The following LRP5 variants were observed in gnomAD, a reference collection of about 807,000 sequenced individuals.
LRP5 encodes low-density lipoprotein receptor-related protein 5.
Under a neutral mutation model 154.1 loss-of-function variants are expected in LRP5, and 62 were observed. That is an observed-to-expected ratio of 0.40 (90% CI 0.33 to 0.50). The LOEUF (loss-of-function observed/expected upper bound fraction) is 0.50, where lower values mean the gene tolerates loss of function less well. Among genes scored for constraint, LRP5 ranks in the 20% least tolerant of loss-of-function variants. The pLI, the probability that LRP5 is intolerant of heterozygous loss-of-function variation, is 0.55. For synonymous variants in LRP5, 966 were observed against 1,011.5 expected, an observed-to-expected ratio of 0.96 and a Z score of 0.85; for missense variants, 1,915 against 2,336.7, an observed-to-expected ratio of 0.82 and a Z score of 3.72.
chr11:68,406,824 C>T lies in LRP5; in HGVS notation c.2091+11C>T, dbSNP rs1473113638. The stretch of plus-strand genomic sequence containing the variant: ...GACGTCAGCCTGAAGGTAGCGTGGG[C>T]CAGAACGTGCACACAGGCAGCCTTT... On this transcript the variant is annotated intron_variant, in intron 9 of 22. Transcript: ENST00000294304. 1 of 1,613,078 alleles carries T rather than the reference C, an allele frequency of 6.2e-7. No homozygotes were observed. Among genetic ancestry groups the T allele is most frequent in the East Asian group, 2.2e-5 (1 of 44,884 alleles).
At chr11:68,337,486 C>T (rs1439707065) in intron 1 of LRP5, among the ~76,000 whole-genome samples, 1 of 152,178 alleles carries the variant, frequency 6.6e-6, no homozygotes, top group Non-Finnish European at 1.5e-5. Flanking sequence ...TGGGCATGCT[C>T]AACATTCACC....
At chr11:68,308,413 CCT>C (rs776933868), upstream of LRP5, among the ~76,000 whole-genome samples, 28 of 152,162 alleles carry the variant, frequency 1.8e-4, no homozygotes, top group Non-Finnish European at 2.8e-4. Context: ...GTGCTGAGCC[CCT>C]GTTACTTCAT....
In LRP5 at chr11:68,388,176, C is replaced by T. The variant is rs376591103; in HGVS notation, c.1412+1464C>T. ...GTGGCTGAAGGGCTGGGTTGTGCCC[C>T]GAGGAGGGTGGATGAGGGTAAGAAG... is the stretch of plus-strand genomic sequence containing the variant. On this transcript the variant is annotated intron_variant, in intron 6 of 22. Transcript: ENST00000294304. 5.5e-4 allele frequency among the ~76,000 whole-genome samples: 83 copies of T among 152,076 alleles called. 1 individual carries two copies. The highest frequency in any genetic ancestry group is 1.9e-3 in the African/African-American group (79 of 41,492).
At chr11:68,395,212 A>G (rs1263688637) in intron 7 of LRP5, among the ~76,000 whole-genome samples, 1 of 151,196 alleles carries the variant, frequency 6.6e-6, no homozygotes, top group African/African-American at 2.4e-5. Flanking sequence ...GAGGCAGGAG[A>G]ATTGCTTAAA....
At chr11:68,381,252 C>T (rs2098640091) in intron 5 of LRP5, among the ~76,000 whole-genome samples, 1 of 152,150 alleles carries the variant, frequency 6.6e-6, no homozygotes. Flanking sequence ...CTTTTGATTG[C>T]AGGGATGCAT....
chr11:68,336,068 C>T (rs1453058914), intron 1 of LRP5, among the ~76,000 whole-genome samples: 1 of 152,180 alleles, frequency 6.6e-6, no homozygotes, highest in South Asian at 2.1e-4. Flanking sequence ...GAAGCAATGA[C>T]CCCAAGTAGC....
At chr11:68,437,624 A>G (rs1276952612) in intron 19 of LRP5, among the ~76,000 whole-genome samples, 1 of 152,186 alleles carries the variant, frequency 6.6e-6, no homozygotes, top group Non-Finnish European at 1.5e-5. Context: ...CTGCAGAGGG[A>G]CCTGGGCTGA....
At chr11:68,365,508 C>A (rs1304638102) in intron 4 of LRP5, 63 bp from the exon 5 acceptor site, 1 of 1,611,410 alleles carries the variant, frequency 6.2e-7, no homozygotes, top group Admixed American at 1.7e-5. Flanking sequence ...GGATGTGACT[C>A]ATTCAGAAAC....
At chr11:68,301,684 G>C in the LRP5 span, among the ~76,000 whole-genome samples, 14 of 144,720 alleles carry the variant, frequency 9.7e-5, no homozygotes, top group Admixed American at 9.0e-4. Context: ...GTGCAGTGGT[G>C]TGATCTCGGC....
At chr11:68,303,216 C>G in the LRP5 span, among the ~76,000 whole-genome samples, 2 of 152,168 alleles carry the variant, frequency 1.3e-5, no homozygotes, top group African/African-American at 4.8e-5. Flanking sequence ...ACTGCAGCCT[C>G]AACCTCCTGG....
chr11:68,392,849 G>A (rs2098647126), intron 7 of LRP5, among the ~76,000 whole-genome samples: 1 of 152,168 alleles, frequency 6.6e-6, no homozygotes, highest in African/African-American at 2.4e-5. Context: ...ATTCCTGACT[G>A]GGTGCAGTGG....
chr11:68,395,814 G>A (rs898208535), intron 7 of LRP5, among the ~76,000 whole-genome samples: 1 of 152,136 alleles, frequency 6.6e-6, no homozygotes, highest in African/African-American at 2.4e-5. Flanking sequence ...CTGGCTCTGT[G>A]TTTTCTGCTG....
At chr11:68,366,486 C>T (rs1481350185) in intron 5 of LRP5, among the ~76,000 whole-genome samples, 1 of 152,094 alleles carries the variant, frequency 6.6e-6, no homozygotes. Context: ...GGAACAGTTT[C>T]CTGGTCCCCC....
chr11:68,371,867 G>T (rs1315758525), intron 5 of LRP5, among the ~76,000 whole-genome samples: 4 of 152,246 alleles, frequency 2.6e-5, no homozygotes, highest in Non-Finnish European at 4.4e-5. Flanking sequence ...GGCTGCCAGT[G>T]CCCAGAGAGC....
In LRP5 at chr11:68,413,518, C is replaced by T. The variant is rs1260106708; in HGVS notation, c.2504-171C>T. Among the ~76,000 whole-genome samples the T allele has an allele frequency of 6.6e-6, 1 of 152,218 alleles. No homozygotes were observed. Among genetic ancestry groups the T allele is most frequent in the Non-Finnish European group, 1.5e-5 (1 of 68,038 alleles). ...CCAGGTCACTTAATTTTGCTAGATC[C>T]TGCCTGCGCTTCAGTGGATCTTGCT... is the stretch of plus-strand genomic sequence containing the variant. On this transcript the variant is annotated intron_variant, in intron 11 of 22. Transcript: ENST00000294304. This position sits in a 1 kb window ranked among gnomAD's most constrained non-coding sequence, Gnocchi z 5.1.
upstream of LRP5, among the ~76,000 whole-genome samples, chr11:68,312,138 C>A (rs2098588349): frequency 1.3e-5 from 2 of 152,252 alleles, no homozygotes; most frequent in Non-Finnish European, 2.9e-5. Context: ...CTCAAACCCA[C>A]CTCCACTCCC....
chr11:68,349,224 G>A (rs759308057), intron 2 of LRP5, among the ~76,000 whole-genome samples: 1 of 151,692 alleles, frequency 6.6e-6, no homozygotes, highest in Non-Finnish European at 1.5e-5. Flanking sequence ...GTACAGATGG[G>A]GTTTCACCAT....
chr11:68,384,291 C>A (rs2098641811), intron 5 of LRP5, among the ~76,000 whole-genome samples: 1 of 152,182 alleles, frequency 6.6e-6, no homozygotes, highest in Non-Finnish European at 1.5e-5. Context: ...AAGGCTGCAG[C>A]CTGGCAGGGC....
At chr11:68,439,539 G>A (rs965873053) in intron 20 of LRP5, among the ~76,000 whole-genome samples, 3 of 152,138 alleles carry the variant, frequency 2.0e-5, no homozygotes, top group Non-Finnish European at 4.4e-5. Flanking sequence ...TGCCCCAGTC[G>A]CAGGCCCCTT....
Sources: allele counts gnomAD v4.1 joint callset (sites outside exome capture counted in the v4.1 genomes callset), GRCh38; gene constraint gnomAD v4.1.1; non-coding constraint Gnocchi (gnomAD v3.1); transcripts MANE v1.5; gene names NCBI Gene and HGNC (gene_info 2026-07-23, HGNC 2026-07-21).